The following SLC26A3 variants were observed in gnomAD, a reference collection of about 807,000 sequenced individuals.
The protein encoded by SLC26A3 is chloride anion exchanger.
SLC26A3 carries 64 observed loss-of-function variants against 85.6 expected under a neutral mutation model. The ratio of observed to expected loss-of-function variants is 0.75; its 90% CI spans 0.61 to 0.92. The LOEUF is 0.92. Ranked by LOEUF, SLC26A3 falls within the 40% of genes least tolerant of loss-of-function variation. SLC26A3 has a pLI of 0.00. For synonymous variants in SLC26A3, 349 were observed against 336.0 expected (o/e 1.04, Z -0.42); for missense variants, 922 against 927.3 (o/e 0.99, Z 0.07).
chr7:107,786,107 G>A (rs1277107383), intron 8 of SLC26A3, among the ~76,000 whole-genome samples: 1 of 152,104 alleles, frequency 6.6e-6, no homozygotes, highest in Non-Finnish European at 1.5e-5. Flanking sequence ...AATCTGATCG[G>A]GAGAAAGGAC....
chr7:107,774,905 T>C (rs751163323), intron 15 of SLC26A3, 33 bp from the exon 16 acceptor site: 2 of 1,478,476 alleles, frequency 1.4e-6, no homozygotes, highest in East Asian at 2.3e-5. Context: ...ACAAGAGTAC[T>C]GAATATTCTG....
chr7:107,789,834 C>T, intron 5 of SLC26A3, 146 bp from the exon 6 acceptor site: 1 of 802,464 alleles, frequency 1.2e-6, no homozygotes, highest in South Asian at 1.7e-5. Context: ...TCCCTGCCTC[C>T]TGGGACGCCT....
At chr7:107,795,287 T>A (rs1794476603) in intron 1 of SLC26A3, among the ~76,000 whole-genome samples, 1 of 152,218 alleles carries the variant, frequency 6.6e-6, no homozygotes, top group Non-Finnish European at 1.5e-5. Flanking sequence ...GAAGATTAAA[T>A]AAGGTTTCCA....
rs145969445 is a variant in SLC26A3, at chr7:107,783,396, A to G, written c.972-44T>C. 186 of 1,605,616 alleles carry G rather than the reference A, an allele frequency of 1.2e-4. 1 individual carries two copies. The East Asian group carries it at 4.1e-3, about 35-fold the overall frequency. ...AAGTCTGAATGTCACCAACCAATTT[A>G]TAAACTGATATAACCATTGGGCAAA... On this transcript the variant is annotated intron_variant, in intron 8 of 20. Coordinates refer to ENST00000340010, the MANE Select transcript of SLC26A3 (RefSeq NM_000111.3).
At chr7:107,802,724 C>A (rs1334505274) in intron 1 of SLC26A3, among the ~76,000 whole-genome samples, 2 of 146,282 alleles carry the variant, frequency 1.4e-5, no homozygotes, top group Non-Finnish European at 3.0e-5. Context: ...CCTGGAGAAA[C>A]TCTTTCCTTA....
At chr7:107,777,071 G>A (rs552320421) in intron 13 of SLC26A3, among the ~76,000 whole-genome samples, 1 of 152,134 alleles carries the variant, frequency 6.6e-6, no homozygotes, top group Non-Finnish European at 1.5e-5. Flanking sequence ...CATTCAGTTT[G>A]TCTCTATGTT....
rs755147336 is a variant in SLC26A3, at chr7:107,783,310, G to A, written c.1014C>T (p.Asn338=). 6.2e-7 allele frequency: 1 copy of A among 1,614,188 alleles called. No homozygotes were observed. The highest frequency in any genetic ancestry group is 8.5e-7 in the Non-Finnish European group (1 of 1,180,026). ...PITPDVETFQ[N]TVGDCFGIAM... ...CGATGCCGAAGCAATCTCCTACGGT[G>A]TTTTGGAAAGTCTCCACGTCAGGTG... The change falls in exon 9 of 21, where the codon AAC becomes AAT. Residue 338 remains asparagine (N), a synonymous_variant. Transcript: ENST00000340010.
chr7:107,783,262 G>T lies in SLC26A3; in HGVS notation c.1062C>A (p.Ala354=). 1 of 1,614,194 alleles carries T rather than the reference G, an allele frequency of 6.2e-7. No homozygotes were observed. The highest frequency in any genetic ancestry group is 8.5e-7 in the Non-Finnish European group (1 of 1,180,034). ...FGIAMVAFAV[A]FSVASVYSLK... is the part of the protein sequence containing the mutation. ...GGGAATAGACGCTGGCAACTGAAAAGGCCACTGCAAATGCAACCATTGCGA... is the reference window on the plus strand; with the variant it reads ...GGGAATAGACGCTGGCAACTGAAAATGCCACTGCAAATGCAACCATTGCGA... The change falls in exon 9 of 21, where the codon GCC becomes GCA. Residue 354 remains alanine, a synonymous_variant. Coordinates refer to ENST00000340010, the MANE Select transcript of SLC26A3 (RefSeq NM_000111.3).
Position 107,767,636 on chromosome 7 carries a change from A to G in SLC26A3, c.2214T>C (p.Asp738=). The change falls in exon 20 of 21, where the codon GAT becomes GAC. Residue 738 remains aspartate (D), a synonymous_variant. Coordinates refer to ENST00000340010, the MANE Select transcript of SLC26A3 (RefSeq NM_000111.3). The stretch of plus-strand genomic sequence containing the variant: ...TATTTATGGTAAAATCAATTTTTCC[A>G]TCTTTTTCCTGAGAAAAAGAGAATG... ...TSKFNPSQEK[D]GKIDFTINTN... The G allele has an allele frequency of 6.2e-7, 1 of 1,610,774 alleles. No homozygotes were observed. The highest frequency in any genetic ancestry group is 1.3e-5 in the African/African-American group (1 of 74,928).
At chr7:107,771,258 C>T (rs953200357) in intron 18 of SLC26A3, among the ~76,000 whole-genome samples, 2 of 152,120 alleles carry the variant, frequency 1.3e-5, no homozygotes, top group Non-Finnish European at 2.9e-5. Flanking sequence ...GAATCATATA[C>T]GTAGTTCTAA....
intron 1 of SLC26A3, among the ~76,000 whole-genome samples, chr7:107,796,717 G>T (rs556937895): frequency 4.0e-5 from 6 of 148,714 alleles, no homozygotes; most frequent in African/African-American, 1.6e-4. Flanking sequence ...TTCTCACAAA[G>T]GGTATCTGGA....
intron 11 of SLC26A3, among the ~76,000 whole-genome samples, chr7:107,780,926 G>A (rs191169853): frequency 3.3e-5 from 5 of 152,236 alleles, no homozygotes; most frequent in Admixed American, 3.3e-4. Context: ...GTGGTAGCTA[G>A]GCAAAGAAGT....
Position 107,794,613 on chromosome 7 carries a change from G to A in SLC26A3, c.-88-16C>T. ...TTAAAAATGCCTGAAACCAAACAGA[G>A]CTTGCTTCTTAAATAACTCAGAGAT... On this transcript the variant is annotated splice_polypyrimidine_tract_variant and intron_variant, in intron 1 of 20. Coordinates refer to ENST00000340010, the MANE Select transcript of SLC26A3 (RefSeq NM_000111.3). 8.1e-7 allele frequency: 1 copy of A among 1,239,082 alleles called. No individual in the cohort carries two copies. The highest frequency in any genetic ancestry group is 1.2e-6 in the Non-Finnish European group (1 of 841,982). The allele number at this position is 1,239,082 out of a possible 1,614,324, so 76.8% of individuals were successfully genotyped here. A position where few individuals can be genotyped will look rare whatever the true frequency, so the allele number is the denominator to read the frequency against.
At position 107,767,796 on chromosome 7, in the gene SLC26A3, A is replaced by G. The variant is rs201137330; in HGVS notation, c.2175T>C (p.Asp725=). 5.6e-6 allele frequency: 9 copies of G among 1,613,890 alleles called. No individual in the cohort carries two copies. In the East Asian group the frequency reaches 1.8e-4, roughly 32 times the overall value. The change falls in exon 19 of 21, where the codon GAT becomes GAC. Residue 725 remains aspartate, a synonymous_variant. Transcript: ENST00000340010. ...TGGGATTAAACTTTGAAGTACTGTA[A>G]TCTTTCTTCATCAAAATATGCAAAA... is the stretch of plus-strand genomic sequence containing the variant. ...DAVLHILMKK[D]YSTSKFNPSQ...
intron 11 of SLC26A3, 135 bp downstream of exon 11, chr7:107,782,662 G>T: frequency 1.1e-6 from 1 of 883,354 alleles, no homozygotes; most frequent in Non-Finnish European, 1.9e-6. Flanking sequence ...CTCATACAGA[G>T]TATTGGCTAA....
chr7:107,786,717 T>C lies in SLC26A3; in HGVS notation c.971+110A>G, dbSNP rs539732194. ...GGGATGCAGGGTGCAGGGAGGATTCTGATGAGGGTTACCTGCAGGCTGAAC... is the reference window on the plus strand; with the variant it reads ...GGGATGCAGGGTGCAGGGAGGATTCCGATGAGGGTTACCTGCAGGCTGAAC... On this transcript the variant is annotated intron_variant, in intron 8 of 20. Transcript: ENST00000340010. 100 of 906,484 alleles carry C rather than the reference T, an allele frequency of 1.1e-4. No homozygotes were observed. The African/African-American group carries it at 1.5e-3, about 13-fold the overall frequency. The allele number at this position is 906,484 out of a possible 1,614,324, so 56.2% of individuals were successfully genotyped here.
At chr7:107,797,739 C>CATTTTTTTTT (rs781396459) in intron 1 of SLC26A3, among the ~76,000 whole-genome samples, 1 of 70,536 alleles carries the variant, frequency 1.4e-5, no homozygotes, top group African/African-American at 8.3e-5. Flanking sequence ...TTGAGCAGGA[C>CATTTTTTTTT]CTTTTTTTTT....
At chr7:107,769,981 C>T (rs1011305561) in intron 18 of SLC26A3, among the ~76,000 whole-genome samples, 5 of 141,220 alleles carry the variant, frequency 3.5e-5, no homozygotes, top group African/African-American at 5.2e-5. Flanking sequence ...CCCTCCCTCC[C>T]TTCCTTCCTT....
intron 15 of SLC26A3, among the ~76,000 whole-genome samples, chr7:107,775,754 A>C (rs1794102443): frequency 6.6e-6 from 1 of 152,138 alleles, no homozygotes; most frequent in Non-Finnish European, 1.5e-5. Flanking sequence ...AAATATAGTT[A>C]GATGGAAGTT....
Sources: gnomAD v4.1 joint callset for allele counts (sites outside exome capture counted in the v4.1 genomes callset) on GRCh38, gnomAD v4.1.1 for gene constraint, MANE v1.5 for transcripts, NCBI Gene and HGNC (gene_info 2026-07-23, HGNC 2026-07-21) for gene names.